ZSWIM6: variants seen among roughly 807,000 people sequenced by gnomAD.
The protein encoded by ZSWIM6 is zinc finger SWIM domain-containing protein 6.
ZSWIM6 carries 9 observed loss-of-function variants against 113.2 expected under a neutral mutation model. That is an observed-to-expected ratio of 0.08 (90% CI 0.05 to 0.14). ZSWIM6 has a LOEUF of 0.14. ZSWIM6 is among the 10% of genes least tolerant of loss of function. The probability of loss-of-function intolerance (pLI) is 1.00; values close to 1 mark genes in which losing one functional copy is unlikely to be tolerated. For synonymous variants in ZSWIM6, 611 were observed against 606.5 expected, an observed-to-expected ratio of 1.01 and a Z score of -0.11; for missense variants, 1,162 against 1,552.2, an observed-to-expected ratio of 0.75 and a Z score of 4.22.
chr5:61,459,028 A>T (rs142802732), intron 1 of ZSWIM6, among the ~76,000 whole-genome samples: 566 of 152,316 alleles, frequency 3.7e-3, no homozygotes, highest in Non-Finnish European at 5.1e-3. Context: ...TTTGATTCTG[A>T]AGCCTAAGCC....
intron 4 of ZSWIM6, among the ~76,000 whole-genome samples, chr5:61,500,014 C>T (rs1251112460): frequency 6.6e-6 from 1 of 151,822 alleles, no homozygotes; most frequent in Non-Finnish European, 1.5e-5. Flanking sequence ...ATAACTTGCC[C>T]GAGGTCACAG....
rs1744274301 is a variant in ZSWIM6, at chr5:61,332,480, A to G, written c.208A>G (p.Lys70Glu). 8.4e-7 allele frequency: 1 copy of G among 1,188,578 alleles called. No individual in the cohort carries two copies. Among genetic ancestry groups the G allele is most frequent in the Non-Finnish European group, 1.1e-6 (1 of 934,640 alleles). 73.6% of individuals were successfully genotyped at this position (1,188,578 alleles called of 1,614,324 possible). The change falls in exon 1 of 14, where the codon AAG (lysine) becomes GAG (glutamate). Residue 70 changes from lysine (K) to glutamate (E), a missense_variant. Transcript: ENST00000252744. Reference protein sequence around the residue: ...GAALGLLPPGKTQSPESLLDI... With the variant: ...GAALGLLPPGETQSPESLLDI... ...GGCGCTGGGGTTGCTGCCGCCGGGC[A>G]AGACCCAGAGCCCCGAGTCGCTGCT...
rs78149502 is a variant in ZSWIM6 at position 61,338,941 on chromosome 5, T to C, written c.676+5993T>C. On this transcript the variant is annotated intron_variant, in intron 1 of 13. Transcript: ENST00000252744. ...CAATTAATTGAACAGTTTAAGTCAT[T>C]ATTGTTCTAAGTATGTCCTCACTGA... Among the ~76,000 whole-genome samples, 972 of 152,296 alleles carry C rather than the reference T, an allele frequency of 6.4e-3. 8 individuals carry two copies. Among genetic ancestry groups the C allele is most frequent in the African/African-American group, 0.02 (842 of 41,572 alleles).
intron 3 of ZSWIM6, among the ~76,000 whole-genome samples, chr5:61,491,715 C>T (rs928560073): frequency 6.6e-6 from 1 of 151,946 alleles, no homozygotes; most frequent in Non-Finnish European, 1.5e-5. Context: ...GTATAGTCAT[C>T]ATTATGATTA....
chr5:61,383,193 C>T (rs1199117553), intron 1 of ZSWIM6, among the ~76,000 whole-genome samples: 1 of 152,152 alleles, frequency 6.6e-6, no homozygotes, highest in East Asian at 1.9e-4. Flanking sequence ...TTCAGATACC[C>T]TGTATTTTGC....
intron 1 of ZSWIM6, among the ~76,000 whole-genome samples, chr5:61,408,038 C>T (rs779198760): frequency 1.3e-5 from 2 of 152,092 alleles, no homozygotes; most frequent in African/African-American, 2.4e-5. Flanking sequence ...AAGATTTTCA[C>T]ACCAGCATTA....
At position 61,502,672 on chromosome 5, in the gene ZSWIM6, G is replaced by C. The variant is rs1051034893; in HGVS notation, c.1333+8262G>C. On this transcript the variant is annotated intron_variant, in intron 4 of 13. Transcript: ENST00000252744. Reference sequence around the variant, plus strand: ...GTGGACCAGTATCAGTCCGTGGCCTGTTAGGAACTGAGGCACATAGCAGGA... The same window carrying C: ...GTGGACCAGTATCAGTCCGTGGCCTCTTAGGAACTGAGGCACATAGCAGGA... Among the ~76,000 whole-genome samples the C allele has an allele frequency of 2.0e-5, 3 of 152,340 alleles. No individual in the cohort carries two copies. In the East Asian group the frequency reaches 5.8e-4, roughly 29 times the overall value.
chr5:61,542,906 C>T (rs529129666), intron 13 of ZSWIM6, among the ~76,000 whole-genome samples: 4 of 152,136 alleles, frequency 2.6e-5, no homozygotes, highest in Admixed American at 2.6e-4. Context: ...GGTCTGTGAA[C>T]GTAAAGTGAT....
At chr5:61,493,313 G>T (rs1017527108) in intron 3 of ZSWIM6, among the ~76,000 whole-genome samples, 2 of 152,084 alleles carry the variant, frequency 1.3e-5, no homozygotes, top group Non-Finnish European at 2.9e-5. Context: ...AAACTTAAGT[G>T]AGAGAGAACC....
intron 4 of ZSWIM6, among the ~76,000 whole-genome samples, chr5:61,496,787 CT>C (rs1748326945): frequency 6.6e-6 from 1 of 152,168 alleles, no homozygotes; most frequent in South Asian, 2.1e-4. Context: ...TACATTTAAA[CT>C]AAAAGCCCCA....
intron 4 of ZSWIM6, among the ~76,000 whole-genome samples, chr5:61,502,316 T>A (rs1400296348): frequency 6.6e-6 from 1 of 152,112 alleles, no homozygotes. Flanking sequence ...GCTATCATAG[T>A]TAATTTAAGC....
chr5:61,505,689 TCCC>T, intron 4 of ZSWIM6, among the ~76,000 whole-genome samples: 1 of 111,544 alleles, frequency 9.0e-6, no homozygotes, highest in African/African-American at 3.8e-5. Context: ...CTTGCCTCCC[TCCC>T]TCCCTTCCTT....
At chr5:61,343,594 G>A (rs1744592386) in intron 1 of ZSWIM6, among the ~76,000 whole-genome samples, 1 of 152,056 alleles carries the variant, frequency 6.6e-6, no homozygotes, top group Admixed American at 6.5e-5. Context: ...GGTATAAGGG[G>A]CATACCTGGA....
At chr5:61,466,739 C>A (rs1441405272) in intron 1 of ZSWIM6, among the ~76,000 whole-genome samples, 1 of 152,044 alleles carries the variant, frequency 6.6e-6, no homozygotes, top group Non-Finnish European at 1.5e-5. Context: ...ACATAATATG[C>A]ACAAAATGGC....
At chr5:61,398,441 G>A (rs1561222423) in intron 1 of ZSWIM6, among the ~76,000 whole-genome samples, 1 of 152,148 alleles carries the variant, frequency 6.6e-6, no homozygotes, top group South Asian at 2.1e-4. Flanking sequence ...GGTCCCTGGT[G>A]CCGAAAAGGT....
rs140336348 is a variant in ZSWIM6, at chr5:61,505,517, C to T, written c.1333+11107C>T. Among the ~76,000 whole-genome samples the T allele has an allele frequency of 3.7e-4, 57 of 152,056 alleles. 1 individual carries two copies. The East Asian group carries it at 0.011, about 28-fold the overall frequency. On this transcript the variant is annotated intron_variant, in intron 4 of 13. Transcript: ENST00000252744. ...CAACAAATCAAATGGAATGGGAAGA[C>T]TACATATCAGATAAGGGCCACAGGT...
chr5:61,522,990 C>CT (rs1161420945), intron 5 of ZSWIM6, among the ~76,000 whole-genome samples: 2 of 152,234 alleles, frequency 1.3e-5, no homozygotes, highest in Non-Finnish European at 2.9e-5. Flanking sequence ...AGCCTCCAGA[C>CT]TTAAAGAGTT....
intron 1 of ZSWIM6, among the ~76,000 whole-genome samples, chr5:61,341,006 A>C (rs1744533725): frequency 6.6e-6 from 1 of 152,266 alleles, no homozygotes; most frequent in Non-Finnish European, 1.5e-5. Flanking sequence ...TTATACAGCA[A>C]GTCCTTGAAT....
chr5:61,505,660 T>TTCCC lies in ZSWIM6; in HGVS notation c.1333+11253_1333+11254insCTCC, dbSNP rs2112236775. 1.9e-5 allele frequency among the ~76,000 whole-genome samples: 2 copies of TTCCC among 104,806 alleles called. 1 individual carries two copies. Among genetic ancestry groups the TTCCC allele is most frequent in the East Asian group, 4.4e-4 (2 of 4,514 alleles). The allele number at this position is 104,806 out of a possible 152,430, so 68.8% of individuals were successfully genotyped here. A position where few individuals can be genotyped will look rare whatever the true frequency, so the allele number is the denominator to read the frequency against. On this transcript the variant is annotated intron_variant, in intron 4 of 13. Coordinates refer to ENST00000252744, the MANE Select transcript of ZSWIM6 (RefSeq NM_020928.2). Reference sequence around the variant, plus strand: ...CTTCCTTCCTTCCTTCCTTCCTTCCTTCCTTCCTTCCTTCTTTCCTTGCCT... The same window carrying TTCCC: ...CTTCCTTCCTTCCTTCCTTCCTTCCTTCCCTCCTTCCTTCCTTCTTTCCTTGCCT...
Sources: gnomAD v4.1 joint callset for allele counts (sites outside exome capture counted in the v4.1 genomes callset) on GRCh38, gnomAD v4.1.1 for gene constraint, MANE v1.5 for transcripts, NCBI Gene and HGNC (gene_info 2026-07-23, HGNC 2026-07-21) for gene names.